The following CPM variants were observed in gnomAD, a reference collection of about 807,000 sequenced individuals.
CPM encodes carboxypeptidase M.
CPM carries 35 observed loss-of-function variants against 46.4 expected under a neutral mutation model. The observed-to-expected ratio is 0.75, with a 90% confidence interval of 0.58 to 1.00. The LOEUF (loss-of-function observed/expected upper bound fraction) is 1.00, where lower values mean the gene tolerates loss of function less well. Ranked by LOEUF, CPM falls within the 50% of genes least tolerant of loss-of-function variation. The pLI, the probability that CPM is intolerant of heterozygous loss-of-function variation, is 0.00. For missense variants in CPM, 422 were observed against 530.4 expected (o/e 0.80, Z 2.01); for synonymous variants, 195 against 195.3 (o/e 1.00, Z 0.01).
At chr12:68,842,304 C>A (rs1255917107) in exon 6 of CPM, 3 of 495,882 alleles carry the variant, frequency 6.0e-6, no homozygotes, top group African/African-American at 1.9e-5. Context: ...CTCATCTTGA[C>A]CCCTGTTGCA....
intron 2 of CPM, among the ~76,000 whole-genome samples, chr12:68,897,355 T>C (rs1362011420): frequency 6.6e-6 from 1 of 151,870 alleles, no homozygotes; most frequent in Non-Finnish European, 1.5e-5. Context: ...CCTCATACTA[T>C]AAAAAGCTGA....
intron 2 of CPM, 132 bp downstream of exon 2, chr12:68,932,546 G>A: frequency 1.0e-6 from 1 of 1,002,284 alleles, no homozygotes; most frequent in Non-Finnish European, 1.5e-6. Context: ...CAACACGCAC[G>A]GTACCGGTTG....
chr12:68,922,503 C>T (rs535322615), intron 2 of CPM, among the ~76,000 whole-genome samples: 2 of 152,290 alleles, frequency 1.3e-5, no homozygotes, highest in South Asian at 4.1e-4. Context: ...GGGTAGTAGG[C>T]ACTATCATTA....
chr12:68,941,400 G>T (rs566863652), intron 1 of CPM, among the ~76,000 whole-genome samples: 7 of 152,136 alleles, frequency 4.6e-5, no homozygotes, highest in African/African-American at 1.2e-4. Context: ...TTGAGACAGG[G>T]TCTGGCTCTG....
intron 2 of CPM, among the ~76,000 whole-genome samples, chr12:68,902,496 G>T (rs1219193599): frequency 6.6e-6 from 1 of 152,082 alleles, no homozygotes; most frequent in Non-Finnish European, 1.5e-5. Context: ...AATCTCTATT[G>T]GTTTCGGACT....
At chr12:68,961,765 G>GACAA (rs56409433) in intron 1 of CPM, among the ~76,000 whole-genome samples, 126,247 of 151,256 alleles carry the variant, frequency 0.83, 53,134 homozygotes, top group East Asian at 0.93. Context: ...TAAACAAACA[G>GACAA]ACAAACAACA....
Position 68,856,639 on chromosome 12 carries a change from A to G in CPM, c.1130T>C (p.Ile377Thr). ...GAAGTTCTGGGATTTCTCCGGAATA[A>G]TCACCTTTGTGATGTGTGGATCATG... ...PGHDPHITKV[I>T]IPEKSQNFSA... is the part of the protein sequence containing the mutation. Residue 377 changes from isoleucine (I) to threonine (T), a missense_variant, in exon 9 of 9, where the codon ATT becomes ACT. Transcript: ENST00000551568. 6.2e-7 allele frequency: 1 copy of G among 1,614,232 alleles called. No individual in the cohort carries two copies. The highest frequency in any genetic ancestry group is 1.3e-5 in the African/African-American group (1 of 75,062).
intron 2 of CPM, among the ~76,000 whole-genome samples, chr12:68,924,293 G>A (rs149778043): frequency 1.3e-3 from 197 of 152,132 alleles, no homozygotes; most frequent in Non-Finnish European, 7.9e-4. Context: ...TCAGGAGTTC[G>A]AGACCAGCCT....
intron 2 of CPM, among the ~76,000 whole-genome samples, chr12:68,900,832 G>A (rs1456465857): frequency 6.6e-6 from 1 of 152,180 alleles, no homozygotes; most frequent in African/African-American, 2.4e-5. Context: ...GCGAAATTAT[G>A]GAGACAATAA....
chr12:68,861,742 G>T (rs1192440570), intron 7 of CPM, among the ~76,000 whole-genome samples: 3 of 151,304 alleles, frequency 2.0e-5, no homozygotes, highest in Non-Finnish European at 4.4e-5. Context: ...TGGTCAGGCT[G>T]GTCTTGAACT....
upstream of CPM, among the ~76,000 whole-genome samples, chr12:68,935,939 A>G (rs1888666702): frequency 6.6e-6 from 1 of 152,196 alleles, no homozygotes; most frequent in Admixed American, 6.5e-5. Flanking sequence ...TGGCTTCATC[A>G]ATACTGGAAT....
chr12:68,962,074 C>A (rs1381711166), intron 1 of CPM, among the ~76,000 whole-genome samples: 2 of 151,940 alleles, frequency 1.3e-5, no homozygotes, highest in East Asian at 3.9e-4. Flanking sequence ...GTGGTGGGCG[C>A]CTGTAGTCTC....
chr12:68,945,470 AAAAGGCTGAC>A (rs1408184004), intron 1 of CPM, among the ~76,000 whole-genome samples: 1 of 152,104 alleles, frequency 6.6e-6, no homozygotes, highest in African/African-American at 2.4e-5. Context: ...GGGAGATGGG[AAAAGGCTGAC>A]AACTGCTCTT....
At chr12:68,887,077 T>C (rs1289675760) in intron 2 of CPM, among the ~76,000 whole-genome samples, 2 of 152,212 alleles carry the variant, frequency 1.3e-5, no homozygotes, top group African/African-American at 4.8e-5. Context: ...CTCTGGTCTA[T>C]TTGACTTCAA....
At chr12:68,868,190 G>A (rs1403803725) in intron 6 of CPM, among the ~76,000 whole-genome samples, 2 of 152,190 alleles carry the variant, frequency 1.3e-5, no homozygotes, top group Non-Finnish European at 2.9e-5. Flanking sequence ...GCTACAAATT[G>A]TGGAGAGCAG....
chr12:68,903,716 CAAGA>C (rs1371368304), intron 2 of CPM, among the ~76,000 whole-genome samples: 1 of 152,204 alleles, frequency 6.6e-6, no homozygotes, highest in Non-Finnish European at 1.5e-5. Flanking sequence ...AAACTGTTCT[CAAGA>C]AAGAGTGGGC....
At chr12:68,863,662 C>A (rs2120741) in intron 7 of CPM, among the ~76,000 whole-genome samples, 70,817 of 152,034 alleles carry the variant, frequency 0.47, 18,879 homozygotes, top group East Asian at 0.94. Context: ...TTGCAAACAT[C>A]GCCAGATGAC....
intron 2 of CPM, among the ~76,000 whole-genome samples, chr12:68,900,413 A>G (rs2136277278): frequency 6.6e-6 from 1 of 152,348 alleles, no homozygotes; most frequent in Middle Eastern, 3.4e-3. Context: ...GTGGAGCAAC[A>G]GGAACTCTCA....
intron 3 of CPM, 69 bp from the exon 4 acceptor site, chr12:68,872,025 ACAAATT>A: frequency 6.5e-7 from 1 of 1,527,706 alleles, no homozygotes; most frequent in Non-Finnish European, 9.0e-7. Context: ...TCCCTACGGT[ACAAATT>A]CCCCAATAGG....
Sources: allele counts gnomAD v4.1 joint callset (sites outside exome capture counted in the v4.1 genomes callset), GRCh38; gene constraint gnomAD v4.1.1; transcripts MANE v1.5; gene names NCBI Gene and HGNC (gene_info 2026-07-23, HGNC 2026-07-21).